FER: variants seen among roughly 807,000 people sequenced by gnomAD.
The protein encoded by FER is tyrosine-protein kinase Fer.
FER carries 63 observed loss-of-function variants against 111.0 expected under a neutral mutation model. The observed-to-expected ratio is 0.57, with a 90% CI of 0.46 to 0.70. FER has a LOEUF of 0.70. Among genes scored for constraint, FER ranks in the 30% least tolerant of loss-of-function variants. The pLI is 0.00. For synonymous variants in FER, 327 were observed against 313.9 expected (o/e 1.04, Z -0.44); for missense variants, 914 against 954.0 (o/e 0.96, Z 0.55).
intron 17 of FER, among the ~76,000 whole-genome samples, chr5:109,123,242 G>A (rs1265201651): frequency 6.9e-6 from 1 of 144,614 alleles, no homozygotes; most frequent in Non-Finnish European, 1.5e-5. Flanking sequence ...TGCAAGCTCC[G>A]CCTCCCGGGT....
intron 13 of FER, 85 bp downstream of exon 13, chr5:108,959,432 G>T: frequency 5.8e-6 from 8 of 1,372,976 alleles, no homozygotes; most frequent in Admixed American, 2.4e-5. Context: ...AAAATTCTTA[G>T]GTTATATGCT....
chr5:109,038,220 C>G (rs1325357663), intron 14 of FER, among the ~76,000 whole-genome samples: 1 of 151,528 alleles, frequency 6.6e-6, no homozygotes, highest in African/African-American at 2.4e-5. Flanking sequence ...ACTTTTTTGT[C>G]AGTGACTTAA....
At chr5:109,060,313 A>G (rs1482631646) in intron 16 of FER, among the ~76,000 whole-genome samples, 1 of 152,196 alleles carries the variant, frequency 6.6e-6, no homozygotes, top group Non-Finnish European at 1.5e-5. Context: ...AAAACAAAAC[A>G]ACAAACTCAA....
chr5:109,120,397 G>A (rs1375206837), intron 17 of FER, among the ~76,000 whole-genome samples: 1 of 151,926 alleles, frequency 6.6e-6, no homozygotes, highest in Non-Finnish European at 1.5e-5. Flanking sequence ...TGTCAAAAGT[G>A]TGTTCACTGT....
At chr5:108,880,380 T>A (rs921226457) in intron 8 of FER, among the ~76,000 whole-genome samples, 12 of 152,166 alleles carry the variant, frequency 7.9e-5, no homozygotes, top group African/African-American at 2.7e-4. Flanking sequence ...TCCACCAGAC[T>A]TGGGTGTCAG....
At chr5:109,047,937 A>G (rs1442276531) in intron 16 of FER, among the ~76,000 whole-genome samples, 1 of 152,174 alleles carries the variant, frequency 6.6e-6, no homozygotes, top group Admixed American at 6.5e-5. Context: ...TATTAATAGT[A>G]TGTTTTAAAG....
chr5:108,875,001 C>T (rs977156209), intron 8 of FER, among the ~76,000 whole-genome samples: 10 of 149,896 alleles, frequency 6.7e-5, no homozygotes, highest in African/African-American at 2.5e-4. Context: ...TAACTTATCC[C>T]CTCTGTTATG....
intron 5 of FER, among the ~76,000 whole-genome samples, chr5:108,848,548 A>G (rs954125470): frequency 1.3e-5 from 2 of 152,058 alleles, no homozygotes; most frequent in African/African-American, 4.8e-5. Flanking sequence ...GCCACTTTGT[A>G]TATATACCAT....
intron 13 of FER, among the ~76,000 whole-genome samples, chr5:108,974,557 A>T (rs773362205): frequency 6.6e-6 from 1 of 152,194 alleles, no homozygotes; most frequent in Non-Finnish European, 1.5e-5. Flanking sequence ...ATATGTCTAC[A>T]CCCTAATTGC....
At chr5:109,090,014 G>A (rs1442102126) in intron 16 of FER, among the ~76,000 whole-genome samples, 2 of 152,194 alleles carry the variant, frequency 1.3e-5, no homozygotes, top group Non-Finnish European at 2.9e-5. Context: ...CTTCAGGAGG[G>A]AAGAAGATGA....
rs555766996 is a variant in FER, at chr5:109,013,858, T to C, written c.1657-23564T>C. Among the ~76,000 whole-genome samples, 77 of 151,532 alleles carry C rather than the reference T, an allele frequency of 5.1e-4. 1 individual carries two copies. The highest frequency in any genetic ancestry group is 2.3e-3 in the South Asian group (11 of 4,784). On this transcript the variant is annotated intron_variant, in intron 13 of 19. Coordinates refer to ENST00000281092, the MANE Select transcript of FER (RefSeq NM_005246.4). ...TGATGGTGAGCATTTTTTCATGTGT[T>C]TTTTGGCTGCATAAATGTCTTCTTT... is the stretch of plus-strand genomic sequence containing the variant.
chr5:108,774,091 C>T (rs1161397334), intron 2 of FER, among the ~76,000 whole-genome samples: 2 of 151,834 alleles, frequency 1.3e-5, no homozygotes, highest in Non-Finnish European at 2.9e-5. Flanking sequence ...TGTGTTGTTC[C>T]CCTCCCTGTG....
chr5:109,098,452 A>G (rs140575039), intron 16 of FER, among the ~76,000 whole-genome samples: 17 of 151,884 alleles, frequency 1.1e-4, no homozygotes, highest in South Asian at 2.1e-4. Flanking sequence ...ATCAAATTGC[A>G]GAAAAGATCA....
In FER at chr5:109,151,125, C is replaced by T. The variant is rs115838180; in HGVS notation, c.2049-29622C>T. On this transcript the variant is annotated intron_variant, in intron 17 of 19. Coordinates refer to ENST00000281092, the MANE Select transcript of FER (RefSeq NM_005246.4). ...TAATTCGCTGAATGATGCTTCCTGC[C>T]GTGCTATACTTTTTTGATGGAGGTT... Among the ~76,000 whole-genome samples the T allele has an allele frequency of 7.4e-3, 1,127 of 152,086 alleles. 15 individuals are homozygous for T. The highest frequency in any genetic ancestry group is 0.026 in the African/African-American group (1,072 of 41,504).
chr5:108,807,248 C>T (rs1401451487), intron 3 of FER, among the ~76,000 whole-genome samples: 1 of 152,194 alleles, frequency 6.6e-6, no homozygotes, highest in Non-Finnish European at 1.5e-5. Flanking sequence ...CCACGTGGAA[C>T]TGTAAGTCCA....
chr5:108,795,369 A>T (rs564864395), intron 2 of FER, among the ~76,000 whole-genome samples: 17 of 150,798 alleles, frequency 1.1e-4, no homozygotes, highest in African/African-American at 4.1e-4. Flanking sequence ...TCTTGTAGGC[A>T]TGGTTTATTC....
At chr5:109,118,602 T>A (rs1750569794) in intron 17 of FER, among the ~76,000 whole-genome samples, 1 of 152,224 alleles carries the variant, frequency 6.6e-6, no homozygotes, top group Non-Finnish European at 1.5e-5. Flanking sequence ...TCCTTGTATC[T>A]CTGGTAGAAC....
chr5:109,131,511 C>G (rs1744198098), intron 17 of FER, among the ~76,000 whole-genome samples: 1 of 151,918 alleles, frequency 6.6e-6, no homozygotes, highest in Admixed American at 6.6e-5. Flanking sequence ...TGATAATTAC[C>G]TTAAGCTTTC....
rs183603345 is a variant in FER, at chr5:108,981,950, A to G, written c.1656+22603A>G. On this transcript the variant is annotated intron_variant, in intron 13 of 19. Transcript: ENST00000281092. ...TTGTGCCTGTTTCTTATAACCATCA[A>G]TGATGCTAATTAAGGACCACTGACA... Among the ~76,000 whole-genome samples the G allele has an allele frequency of 1.1e-3, 166 of 152,232 alleles. 1 individual carries two copies. Among genetic ancestry groups the G allele is most frequent in the African/African-American group, 3.6e-3 (150 of 41,572 alleles).
Sources: gnomAD v4.1 joint callset for allele counts (sites outside exome capture counted in the v4.1 genomes callset) on GRCh38, gnomAD v4.1.1 for gene constraint, MANE v1.5 for transcripts, NCBI Gene and HGNC (gene_info 2026-07-23, HGNC 2026-07-21) for gene names.